YAF2: variants seen among roughly 807,000 people sequenced by gnomAD.
The protein encoded by YAF2 is YY1-associated factor 2.
A neutral mutation model predicts 20.1 loss-of-function variants in YAF2; 7 were observed. The ratio of observed to expected loss-of-function variants is 0.35; its 90% confidence interval spans 0.20 to 0.65. The LOEUF (loss-of-function observed/expected upper bound fraction) is 0.65. Among genes scored for constraint, YAF2 ranks in the 30% least tolerant of loss-of-function variants. The probability of loss-of-function intolerance (pLI) is 0.69; values close to 1 mark genes in which losing one functional copy is unlikely to be tolerated. For synonymous variants in YAF2, 74 were observed against 76.0 expected (o/e 0.97, Z 0.14); for missense variants, 151 against 219.2 (o/e 0.69, Z 1.96).
At chr12:42,212,834 TAAATG>T (rs1268519480) in intron 2 of YAF2, among the ~76,000 whole-genome samples, 1 of 152,222 alleles carries the variant, frequency 6.6e-6, no homozygotes, top group East Asian at 1.9e-4. Context: ...CATTCACTTT[TAAATG>T]ACCCATTCAA....
chr12:42,227,527 C>G (rs1206108648), intron 2 of YAF2, among the ~76,000 whole-genome samples: 1 of 146,968 alleles, frequency 6.8e-6, no homozygotes, highest in Middle Eastern at 3.5e-3. Context: ...TCTGCCCTGC[C>G]GAGACCCCGT....
chr12:42,208,045 A>C (rs2067102876), intron 2 of YAF2, among the ~76,000 whole-genome samples: 1 of 152,202 alleles, frequency 6.6e-6, no homozygotes, highest in African/African-American at 2.4e-5. Flanking sequence ...CTAAAAACCC[A>C]GTTTAAGAGT....
chr12:42,233,051 T>C, intron 2 of YAF2: 1 of 985,354 alleles, frequency 1.0e-6, no homozygotes. Context: ...GTATGTCTAG[T>C]ATCCAACTCA....
chr12:42,203,269 T>G (rs1051206395), intron 2 of YAF2, among the ~76,000 whole-genome samples: 4 of 152,166 alleles, frequency 2.6e-5, no homozygotes, highest in Non-Finnish European at 5.9e-5. Flanking sequence ...AGGAGATACT[T>G]TTTATTTTCT....
chr12:42,209,258 A>G (rs1050882678), intron 2 of YAF2, among the ~76,000 whole-genome samples: 6 of 133,532 alleles, frequency 4.5e-5, no homozygotes, highest in African/African-American at 1.4e-4. Flanking sequence ...AAGTGCTAGG[A>G]AAAAAAAAAA....
At chr12:42,186,638 T>C (rs917751914) in intron 2 of YAF2, among the ~76,000 whole-genome samples, 1 of 151,558 alleles carries the variant, frequency 6.6e-6, no homozygotes, top group African/African-American at 2.4e-5. Flanking sequence ...GATCATGCCA[T>C]TGCACTCTAG....
intron 2 of YAF2, chr12:42,233,130 G>C (rs2068032370): frequency 1.0e-6 from 1 of 985,330 alleles, no homozygotes; most frequent in Non-Finnish European, 1.2e-6. Flanking sequence ...TATGAAATGA[G>C]ATATGAACCC....
intron 2 of YAF2, among the ~76,000 whole-genome samples, chr12:42,211,427 CAAAAA>C (rs34683165): frequency 1.9e-5 from 1 of 51,606 alleles, no homozygotes; most frequent in Admixed American, 2.9e-4. Context: ...ACTCTGTCTC[CAAAAA>C]AAAAAAAAAA....
intron 2 of YAF2, among the ~76,000 whole-genome samples, chr12:42,189,540 C>T (rs1366926307): frequency 6.6e-6 from 1 of 152,132 alleles, no homozygotes. Flanking sequence ...TGATGATGCA[C>T]AGTAGCAGAA....
At chr12:42,179,861 A>G (rs947586504) in intron 2 of YAF2, among the ~76,000 whole-genome samples, 4 of 152,084 alleles carry the variant, frequency 2.6e-5, no homozygotes, top group South Asian at 2.1e-4. Context: ...ACAGAAAACA[A>G]TTTTCCAAAT....
intron 2 of YAF2, among the ~76,000 whole-genome samples, chr12:42,175,760 A>AAAAAAAAAAAAAAAAAAAAAAAAAAAC: frequency 6.7e-6 from 1 of 149,138 alleles, no homozygotes; most frequent in Non-Finnish European, 1.5e-5. Flanking sequence ...AAAAAAAAAA[A>AAAAAAAAAAAAAAAAAAAAAAAAAAAC]AAAAAAAAAA....
At chr12:42,164,436 C>A (rs1592146114) in intron 2 of YAF2, among the ~76,000 whole-genome samples, 1 of 152,140 alleles carries the variant, frequency 6.6e-6, no homozygotes, top group East Asian at 1.9e-4. Flanking sequence ...CCCCCACTGA[C>A]AAAAATCCCA....
rs1167937642 is a variant in YAF2 at position 42,160,548 on chromosome 12, T to A, written c.*41A>T. On this transcript the variant is annotated 3_prime_UTR_variant, in exon 4 of 4. Coordinates refer to ENST00000534854, the MANE Select transcript of YAF2 (RefSeq NM_005748.6). ...TCTTGGCATAATCTGTGTATTTGCA[T>A]GGTAGGACAGAAGTGACTAAGAAAT... 4.0e-6 allele frequency: 6 copies of A among 1,491,298 alleles called. No individual in the cohort carries two copies. Among genetic ancestry groups the A allele is most frequent in the Non-Finnish European group, 5.6e-6 (6 of 1,075,142 alleles). The allele number at this position is 1,491,298 out of a possible 1,614,324, so 92.4% of individuals were successfully genotyped here.
intron 2 of YAF2, among the ~76,000 whole-genome samples, chr12:42,165,502 C>A (rs142571469): frequency 6.6e-6 from 1 of 152,086 alleles, no homozygotes; most frequent in Admixed American, 6.5e-5. Context: ...CTAGCTCTGT[C>A]GCCCAGGCTG....
At chr12:42,166,325 G>A (rs879904954) in intron 2 of YAF2, among the ~76,000 whole-genome samples, 1 of 152,174 alleles carries the variant, frequency 6.6e-6, no homozygotes, top group Non-Finnish European at 1.5e-5. Flanking sequence ...TTCTTGAAGA[G>A]ACAGACATTC....
intron 2 of YAF2, among the ~76,000 whole-genome samples, chr12:42,185,865 G>T (rs1166713380): frequency 1.3e-5 from 2 of 152,178 alleles, no homozygotes; most frequent in Non-Finnish European, 2.9e-5. Flanking sequence ...CAATGTTCTA[G>T]ATATAGGGCA....
intron 2 of YAF2, among the ~76,000 whole-genome samples, chr12:42,166,714 T>G (rs2065924465): frequency 6.6e-6 from 1 of 152,120 alleles, no homozygotes; most frequent in Non-Finnish European, 1.5e-5. Context: ...CCACTATCAC[T>G]GGCTTTACAC....
chr12:42,226,590 G>A (rs566471297), intron 2 of YAF2, among the ~76,000 whole-genome samples: 85 of 152,158 alleles, frequency 5.6e-4, no homozygotes, highest in Non-Finnish European at 7.5e-4. Context: ...CTTCAACCTG[G>A]GAGGTTGAGG....
intron 2 of YAF2, chr12:42,210,354 C>T: frequency 6.6e-7 from 1 of 1,516,182 alleles, no homozygotes; most frequent in East Asian, 2.5e-5. Flanking sequence ...AGATTACTTA[C>T]CAGTAACTTG....
Sources: allele counts gnomAD v4.1 joint callset (sites outside exome capture counted in the v4.1 genomes callset), GRCh38; gene constraint gnomAD v4.1.1; transcripts MANE v1.5; gene names NCBI Gene and HGNC (gene_info 2026-07-23, HGNC 2026-07-21).